Variants in CDH13 observed in about 807,000 individuals in gnomAD.
CDH13 encodes the protein cadherin 13.
A neutral mutation model predicts 63.8 loss-of-function variants in CDH13; 24 were observed. The ratio of observed to expected loss-of-function variants is 0.38; its 90% CI spans 0.27 to 0.53. The LOEUF is 0.53. CDH13 is among the 20% of genes least tolerant of loss of function. The probability of loss-of-function intolerance (pLI) is 0.85; values close to 1 mark genes in which losing one functional copy is unlikely to be tolerated. For missense variants in CDH13, 1,049 were observed against 903.1 expected (o/e 1.16, Z -2.07); for synonymous variants, 503 against 355.3 (o/e 1.42, Z -4.67).
At chr16:83,290,333 A>T (rs1163403154) in intron 5 of CDH13, among the ~76,000 whole-genome samples, 1 of 152,148 alleles carries the variant, frequency 6.6e-6, no homozygotes, top group Non-Finnish European at 1.5e-5. Context: ...GAATTGTAAT[A>T]ATCCCCTCGT....
At position 83,416,645 on chromosome 16, in the gene CDH13, T is replaced by A. The variant is rs74791721; in HGVS notation, c.782-69832T>A. On this transcript the variant is annotated intron_variant, in intron 6 of 13. Transcript: ENST00000567109. ...GACCTCCCTCCTGAGCATCCAGATT[T>A]GAATTTGCATCTTTCTGTGAGCATC... is the stretch of plus-strand genomic sequence containing the variant. Among the ~76,000 whole-genome samples, 1,358 of 152,316 alleles carry A rather than the reference T, an allele frequency of 8.9e-3. 12 individuals carry two copies. The highest frequency in any genetic ancestry group is 0.016 in the Non-Finnish European group (1,084 of 68,024).
At chr16:83,537,431 CAA>C (rs2075213634) in intron 7 of CDH13, among the ~76,000 whole-genome samples, 4 of 152,226 alleles carry the variant, frequency 2.6e-5, no homozygotes, top group Admixed American at 2.6e-4. Flanking sequence ...TCCTTATCAA[CAA>C]GACTTGAATA....
rs1912780312 is a variant in CDH13, at chr16:83,748,330, C to T, written c.1681+80C>T. On this transcript the variant is annotated intron_variant, in intron 11 of 13. Transcript: ENST00000567109. ...TTACATTTTTAAATTTCTTCTGATA[C>T]ACCCAGGGGTGTTCTTGGGAAGAAT... 3 of 1,314,260 alleles carry T rather than the reference C, an allele frequency of 2.3e-6. No homozygotes were observed. The South Asian group carries it at 4.6e-5, about 20-fold the overall frequency. 81.4% of individuals were successfully genotyped at this position (1,314,260 alleles called of 1,614,324 possible).
intron 13 of CDH13, among the ~76,000 whole-genome samples, chr16:83,786,452 T>C (rs981779601): frequency 4.6e-5 from 7 of 152,264 alleles, no homozygotes; most frequent in African/African-American, 1.7e-4. Flanking sequence ...GAATAGGGCG[T>C]TGGGGAATGG....
chr16:82,764,006 A>G (rs2034953893), intron 1 of CDH13, among the ~76,000 whole-genome samples: 1 of 152,214 alleles, frequency 6.6e-6, no homozygotes, highest in Admixed American at 6.5e-5. Context: ...GGGTAGAGTG[A>G]CAAGGACTGG....
chr16:83,418,000 G>T (rs1195663804), intron 6 of CDH13, among the ~76,000 whole-genome samples: 2 of 151,904 alleles, frequency 1.3e-5, no homozygotes, highest in Non-Finnish European at 2.9e-5. Context: ...GGGAAAATGT[G>T]TCTTTTCTGT....
intron 6 of CDH13, among the ~76,000 whole-genome samples, chr16:83,395,042 G>C (rs537281107): frequency 1.3e-5 from 2 of 151,992 alleles, no homozygotes; most frequent in East Asian, 3.9e-4. Flanking sequence ...CAGGTACTTG[G>C]GAGCCTGAGA....
intron 1 of CDH13, among the ~76,000 whole-genome samples, chr16:82,843,571 C>T (rs1438465104): frequency 6.6e-6 from 1 of 151,096 alleles, no homozygotes; most frequent in Non-Finnish European, 1.5e-5. Flanking sequence ...GAACCTTTAG[C>T]AGAAAAAAAA....
chr16:83,793,023 C>A (rs1046339788), intron 13 of CDH13, among the ~76,000 whole-genome samples: 1 of 152,116 alleles, frequency 6.6e-6, no homozygotes. Flanking sequence ...GGAGGCAGGA[C>A]TAGGGTATCA....
chr16:83,664,946 G>A (rs914854442), intron 8 of CDH13, among the ~76,000 whole-genome samples: 1 of 152,180 alleles, frequency 6.6e-6, no homozygotes, highest in South Asian at 2.1e-4. Context: ...GTATTTTTGT[G>A]CCTAGTGGAG....
At position 82,923,956 on chromosome 16, in the gene CDH13, T is replaced by C. The variant is rs142952468; in HGVS notation, c.157+65483T>C. ...CATAGTCTGGACCCCAAAAGCAATA[T>C]CTTCTGTTACTTAGGATTCAAGGCA... On this transcript the variant is annotated intron_variant, in intron 2 of 13. Transcript: ENST00000567109. 5.4e-4 allele frequency among the ~76,000 whole-genome samples: 82 copies of C among 152,328 alleles called. 1 individual carries two copies. The highest frequency in any genetic ancestry group is 1.8e-3 in the African/African-American group (75 of 41,576).
At chr16:83,649,048 C>T (rs1363910358) in intron 8 of CDH13, among the ~76,000 whole-genome samples, 1 of 152,226 alleles carries the variant, frequency 6.6e-6, no homozygotes, top group Admixed American at 6.5e-5. Flanking sequence ...AAAGAATTCA[C>T]CTTTTTACTT....
intron 7 of CDH13, among the ~76,000 whole-genome samples, chr16:83,594,489 G>A (rs1017046252): frequency 4.6e-5 from 7 of 152,160 alleles, no homozygotes; most frequent in South Asian, 2.1e-4. Context: ...CCCTGCCTTC[G>A]TGGAGCCTCT....
chr16:83,123,430 C>A (rs906429655), intron 3 of CDH13, among the ~76,000 whole-genome samples: 1 of 152,040 alleles, frequency 6.6e-6, no homozygotes, highest in Non-Finnish European at 1.5e-5. Context: ...CAGGCATGCA[C>A]CACCATGCCC....
intron 5 of CDH13, among the ~76,000 whole-genome samples, chr16:83,340,049 C>A (rs759505620): frequency 6.6e-6 from 1 of 152,166 alleles, no homozygotes; most frequent in Admixed American, 6.5e-5. Flanking sequence ...TGACCTTTCC[C>A]ATCTCTGGGA....
At chr16:83,000,804 C>G (rs1194112538) in intron 2 of CDH13, among the ~76,000 whole-genome samples, 1 of 152,070 alleles carries the variant, frequency 6.6e-6, no homozygotes, top group Non-Finnish European at 1.5e-5. Flanking sequence ...TGATCTCAAT[C>G]TCCTGCCCGC....
chr16:83,186,292 C>G (rs1304355255), intron 4 of CDH13, among the ~76,000 whole-genome samples: 1 of 151,904 alleles, frequency 6.6e-6, no homozygotes, highest in Non-Finnish European at 1.5e-5. Context: ...GCACATACCA[C>G]CATGCCAAGC....
chr16:82,898,114 T>C (rs1846622655), intron 2 of CDH13, among the ~76,000 whole-genome samples: 1 of 152,276 alleles, frequency 6.6e-6, no homozygotes, highest in African/African-American at 2.4e-5. Flanking sequence ...GAATAGTTTT[T>C]ATACTGATTA....
chr16:82,745,632 T>C (rs1670151560), intron 1 of CDH13, among the ~76,000 whole-genome samples: 1 of 152,162 alleles, frequency 6.6e-6, no homozygotes, highest in Admixed American at 6.5e-5. Flanking sequence ...ACCATATGTA[T>C]GTGGTTCCAT....
Sources: gnomAD v4.1 joint callset for allele counts (sites outside exome capture counted in the v4.1 genomes callset) on GRCh38, gnomAD v4.1.1 for gene constraint, MANE v1.5 for transcripts, NCBI Gene and HGNC (gene_info 2026-07-23, HGNC 2026-07-21) for gene names.